NRG1: variants seen among roughly 807,000 people sequenced by gnomAD.
NRG1 encodes the protein neuregulin 1, also known as pro-neuregulin-1, membrane-bound isoform.
A neutral mutation model predicts 63.8 loss-of-function variants in NRG1; 18 were observed. The ratio of observed to expected loss-of-function variants is 0.28; its 90% CI spans 0.19 to 0.42. The LOEUF is 0.42. Among genes scored for constraint, NRG1 ranks in the 10% least tolerant of loss-of-function variants. NRG1 has a pLI of 1.00. For missense variants in NRG1, 762 were observed against 814.7 expected (o/e 0.94, Z 0.79); for synonymous variants, 302 against 301.3 (o/e 1.00, Z -0.02).
chr8:31,904,141 T>TC (rs2129615776), intron 1 of NRG1, among the ~76,000 whole-genome samples: 1 of 152,288 alleles, frequency 6.6e-6, no homozygotes, highest in South Asian at 2.1e-4. Flanking sequence ...CTCAATACAT[T>TC]GATGTTGCTA....
chr8:32,678,814 A>G (rs1479506466), intron 5 of NRG1, among the ~76,000 whole-genome samples: 4 of 152,126 alleles, frequency 2.6e-5, no homozygotes, highest in Non-Finnish European at 4.4e-5. Context: ...TACAAAAGTA[A>G]CCCATGCTGA....
In NRG1 at chr8:32,722,129, G is replaced by A. The variant is rs530045544; in HGVS notation, c.503-5820G>A. The A allele has an allele frequency of 1.6e-4, 179 of 1,108,708 alleles. No individual in the cohort carries two copies. The African/African-American group carries it at 2.4e-3, about 15-fold the overall frequency. 68.7% of individuals were successfully genotyped at this position (1,108,708 alleles called of 1,614,324 possible). A position where few individuals can be genotyped will look rare whatever the true frequency, so the allele number is the denominator to read the frequency against. ...AATGTGCATATTTTATTAAGCAAAT[G>A]GCGTAGAGTTATTTGGTTTAATTTT... On this transcript the variant is annotated intron_variant, in intron 5 of 11. Coordinates refer to ENST00000356819, the Ensembl canonical transcript of NRG1.
At chr8:32,119,545 A>G (rs1833167166) in intron 1 of NRG1, among the ~76,000 whole-genome samples, 1 of 152,048 alleles carries the variant, frequency 6.6e-6, no homozygotes, top group African/African-American at 2.4e-5. Context: ...TGTTTAAACT[A>G]TATTTCTCAT....
At chr8:31,650,478 C>T (rs565730715) in intron 1 of NRG1, among the ~76,000 whole-genome samples, 8 of 152,296 alleles carry the variant, frequency 5.3e-5, no homozygotes, top group African/African-American at 1.9e-4. Flanking sequence ...CCTGTTTTTA[C>T]ATATGCCATT....
At position 32,437,510 on chromosome 8, in the gene NRG1, T is replaced by G. The variant is rs75124505; in HGVS notation, c.38-158318T>G. Among the ~76,000 whole-genome samples the G allele has an allele frequency of 7.9e-3, 1,198 of 152,302 alleles. 10 individuals carry two copies. Among genetic ancestry groups the G allele is most frequent in the Middle Eastern group, 0.017 (5 of 294 alleles). On this transcript the variant is annotated intron_variant, in intron 1 of 10. Transcript: ENST00000519301. Reference sequence around the variant, plus strand: ...CTATGATCAGCTCTAAAGAAATGCTTGTTGATGGGCAAATAAACTCGAGAA... The same window carrying G: ...CTATGATCAGCTCTAAAGAAATGCTGGTTGATGGGCAAATAAACTCGAGAA...
chr8:32,764,213 A>G (rs769451751), exon 12 of NRG1: 9 of 1,614,162 alleles, frequency 5.6e-6, no homozygotes, highest in Non-Finnish European at 7.6e-6. Flanking sequence ...GTGAAACAGA[A>G]GATGAAAGAG....
chr8:32,444,379 G>A (rs918330435), intron 1 of NRG1, among the ~76,000 whole-genome samples: 1 of 152,082 alleles, frequency 6.6e-6, no homozygotes, highest in East Asian at 1.9e-4. Flanking sequence ...GGCTCAAGCA[G>A]TCCTCCCACT....
chr8:31,879,649 T>A (rs1310499002), intron 1 of NRG1, among the ~76,000 whole-genome samples: 1 of 152,162 alleles, frequency 6.6e-6, no homozygotes, highest in Non-Finnish European at 1.5e-5. Flanking sequence ...TATTATTACA[T>A]CATTGAGGTA....
chr8:32,197,582 C>T, intron 1 of NRG1, among the ~76,000 whole-genome samples: 1 of 152,196 alleles, frequency 6.6e-6, no homozygotes, highest in Non-Finnish European at 1.5e-5. Context: ...TGGATCAGGT[C>T]ATCTCTAAGG....
At chr8:31,706,899 T>C (rs1330162990) in intron 1 of NRG1, among the ~76,000 whole-genome samples, 1 of 152,176 alleles carries the variant, frequency 6.6e-6, no homozygotes, top group African/African-American at 2.4e-5. Context: ...CTTTTTATTA[T>C]TTATTTCTAT....
intron 1 of NRG1, among the ~76,000 whole-genome samples, chr8:31,681,888 T>G (rs1312820512): frequency 1.3e-5 from 2 of 152,046 alleles, no homozygotes; most frequent in African/African-American, 4.8e-5. Context: ...GGGCAACCTT[T>G]TCACTATCGA....
At chr8:31,743,567 T>G (rs541226034) in intron 1 of NRG1, among the ~76,000 whole-genome samples, 1 of 139,598 alleles carries the variant, frequency 7.2e-6, no homozygotes, top group Non-Finnish European at 1.5e-5. Flanking sequence ...AATATGTGTG[T>G]GTGTGTGGGT....
chr8:32,648,446 C>T (rs1186276819), intron 5 of NRG1: 1 of 1,552,362 alleles, frequency 6.4e-7, no homozygotes, highest in Non-Finnish European at 8.7e-7. Context: ...GTTTGAGGTC[C>T]CCAAAGGACA....
chr8:32,309,463 G>A (rs1856578494), intron 1 of NRG1, among the ~76,000 whole-genome samples: 1 of 152,132 alleles, frequency 6.6e-6, no homozygotes, highest in Non-Finnish European at 1.5e-5. Flanking sequence ...ACTGTCTTGT[G>A]AAGATCTTCA....
At chr8:32,503,841 G>C (rs1204432796) in intron 1 of NRG1, among the ~76,000 whole-genome samples, 1 of 152,134 alleles carries the variant, frequency 6.6e-6, no homozygotes, top group African/African-American at 2.4e-5. Context: ...CAGGCGACTT[G>C]AGAGATCAGG....
intron 1 of NRG1, among the ~76,000 whole-genome samples, chr8:32,467,193 T>C (rs1018294011): frequency 6.6e-6 from 1 of 152,216 alleles, no homozygotes; most frequent in African/African-American, 2.4e-5. Context: ...ACTAGTTACA[T>C]GCCCATGGCA....
At chr8:31,801,367 C>T (rs1331232058) in intron 1 of NRG1, among the ~76,000 whole-genome samples, 1 of 152,072 alleles carries the variant, frequency 6.6e-6, no homozygotes, top group African/African-American at 2.4e-5. Flanking sequence ...TGTGTATTGG[C>T]TATTCTCTTT....
intron 1 of NRG1, among the ~76,000 whole-genome samples, chr8:32,467,457 G>T (rs1444400781): frequency 1.3e-5 from 2 of 152,148 alleles, no homozygotes; most frequent in African/African-American, 4.8e-5. Flanking sequence ...TTCTGCAATA[G>T]ATGCCATGTG....
chr8:31,865,806 A>G (rs1828906144), intron 1 of NRG1, among the ~76,000 whole-genome samples: 1 of 152,194 alleles, frequency 6.6e-6, no homozygotes, highest in Non-Finnish European at 1.5e-5. Context: ...GAGCAGACTA[A>G]TACACCATCT....
Sources: allele counts gnomAD v4.1 joint callset (sites outside exome capture counted in the v4.1 genomes callset), GRCh38; gene constraint gnomAD v4.1.1; transcripts MANE v1.5; gene names NCBI Gene and HGNC (gene_info 2026-07-23, HGNC 2026-07-21).